The following CDH12 variants were observed in gnomAD, a reference collection of about 807,000 sequenced individuals.
The protein encoded by CDH12 is cadherin 12, also known as cadherin-12.
In CDH12, 41 loss-of-function variants were observed where a neutral mutation model predicts 74.1. That is an observed-to-expected ratio of 0.55 (90% CI 0.43 to 0.72). The LOEUF is 0.72. CDH12 is among the 30% of genes least tolerant of loss of function. The pLI is 0.00. For missense variants in CDH12, 945 were observed against 977.2 expected (o/e 0.97, Z 0.44); for synonymous variants, 399 against 355.0 (o/e 1.12, Z -1.39).
chr5:21,871,789 C>T (rs1393721563), intron 6 of CDH12, among the ~76,000 whole-genome samples: 1 of 152,064 alleles, frequency 6.6e-6, no homozygotes, highest in African/African-American at 2.4e-5. Flanking sequence ...TCTCCTGCAC[C>T]ACGTGTAGGG....
At chr5:22,251,091 CA>C (rs1753115954) in intron 3 of CDH12, among the ~76,000 whole-genome samples, 1 of 152,066 alleles carries the variant, frequency 6.6e-6, no homozygotes, top group African/African-American at 2.4e-5. Context: ...GATAGTGACT[CA>C]AGGGATAGGG....
chr5:22,557,957 A>G (rs989283818), intron 1 of CDH12, among the ~76,000 whole-genome samples: 4 of 152,128 alleles, frequency 2.6e-5, no homozygotes, highest in Non-Finnish European at 5.9e-5. Context: ...AAAGATAATA[A>G]TGCTTCAAGT....
intron 1 of CDH12, among the ~76,000 whole-genome samples, chr5:22,646,200 T>A (rs1406479732): frequency 6.6e-6 from 1 of 151,878 alleles, no homozygotes; most frequent in African/African-American, 2.4e-5. Flanking sequence ...TATAATGAAT[T>A]ACAGAAGTAG....
chr5:22,567,330 A>G (rs985862015), intron 1 of CDH12, among the ~76,000 whole-genome samples: 6 of 152,190 alleles, frequency 3.9e-5, no homozygotes, highest in African/African-American at 1.4e-4. Context: ...TGAAAATCCT[A>G]AAACTAGAAA....
intron 6 of CDH12, among the ~76,000 whole-genome samples, chr5:21,954,139 T>C (rs115734285): frequency 6.6e-6 from 1 of 151,726 alleles, no homozygotes; most frequent in South Asian, 2.1e-4. Flanking sequence ...CATTACTTAA[T>C]GATGATAATT....
intron 1 of CDH12, among the ~76,000 whole-genome samples, chr5:22,838,480 A>G (rs1055391528): frequency 2.0e-5 from 3 of 152,146 alleles, no homozygotes; most frequent in Non-Finnish European, 2.9e-5. Context: ...TTGTTCTCAT[A>G]AAATTTAGAA....
intron 2 of CDH12, among the ~76,000 whole-genome samples, chr5:22,499,758 G>T (rs1183663187): frequency 6.6e-6 from 1 of 152,130 alleles, no homozygotes; most frequent in Non-Finnish European, 1.5e-5. Flanking sequence ...TATTCTGGCT[G>T]TTTTCAAAGA....
At chr5:21,864,816 G>A (rs1169540343) in intron 6 of CDH12, among the ~76,000 whole-genome samples, 1 of 152,182 alleles carries the variant, frequency 6.6e-6, no homozygotes, top group Non-Finnish European at 1.5e-5. Context: ...TGTAGGTAGA[G>A]TCTGATAGTT....
At chr5:22,703,821 T>C (rs575332675) in intron 1 of CDH12, among the ~76,000 whole-genome samples, 10 of 152,204 alleles carry the variant, frequency 6.6e-5, no homozygotes, top group African/African-American at 1.9e-4. Context: ...TTGGAGCTGG[T>C]TTTTCATCCT....
chr5:22,057,018 C>A (rs931787779), intron 5 of CDH12, among the ~76,000 whole-genome samples: 5 of 152,080 alleles, frequency 3.3e-5, no homozygotes, highest in African/African-American at 1.2e-4. Context: ...AATGAAAACA[C>A]CAAGTCTGTG....
chr5:22,627,042 AC>A (rs1278787942), intron 1 of CDH12, among the ~76,000 whole-genome samples: 1 of 152,202 alleles, frequency 6.6e-6, no homozygotes, highest in Non-Finnish European at 1.5e-5. Flanking sequence ...ACTCAGTCAA[AC>A]AAAAACGAAC....
intron 5 of CDH12, among the ~76,000 whole-genome samples, chr5:22,046,089 T>A (rs1205875044): frequency 6.6e-6 from 1 of 152,260 alleles, no homozygotes; most frequent in South Asian, 2.1e-4. Flanking sequence ...TAATCAGAAT[T>A]ACAAAATTAG....
At chr5:21,981,992 A>G (rs1757326052) in intron 5 of CDH12, among the ~76,000 whole-genome samples, 1 of 152,150 alleles carries the variant, frequency 6.6e-6, no homozygotes, top group Admixed American at 6.6e-5. Context: ...TTTTAAAAAT[A>G]AGCCTGATAG....
intron 4 of CDH12, among the ~76,000 whole-genome samples, chr5:22,209,350 T>C (rs184093544): frequency 1.4e-3 from 214 of 152,306 alleles, no homozygotes; most frequent in African/African-American, 5.0e-3. Flanking sequence ...CTGCTGAATA[T>C]GTAAGTCTGT....
chr5:21,883,946 C>G, intron 6 of CDH12: 2 of 1,607,282 alleles, frequency 1.2e-6, no homozygotes, highest in Non-Finnish European at 1.7e-6. Context: ...CAGCCTTGGA[C>G]TCATTGACTC....
At chr5:22,031,830 C>T (rs1332290093) in intron 5 of CDH12, among the ~76,000 whole-genome samples, 2 of 152,016 alleles carry the variant, frequency 1.3e-5, no homozygotes, top group African/African-American at 4.8e-5. Flanking sequence ...ACAATTCCAA[C>T]AGTAATGTCA....
At chr5:22,088,747 G>C (rs1743226140) in intron 4 of CDH12, among the ~76,000 whole-genome samples, 1 of 152,152 alleles carries the variant, frequency 6.6e-6, no homozygotes, top group Admixed American at 6.5e-5. Context: ...TGGTGGCTCT[G>C]TGATACACGC....
chr5:22,343,511 G>C (rs1043214057), intron 3 of CDH12, among the ~76,000 whole-genome samples: 2 of 151,990 alleles, frequency 1.3e-5, no homozygotes, highest in Admixed American at 1.3e-4. Context: ...TCTGCCTCCC[G>C]GGTTCATGCC....
intron 3 of CDH12, among the ~76,000 whole-genome samples, chr5:22,271,362 T>C (rs79326324): frequency 0.027 from 4,071 of 152,272 alleles, 72 homozygotes; most frequent in South Asian, 0.094. Context: ...CCACTTCTAA[T>C]GTTGGCTCTC....
Sources: allele counts gnomAD v4.1 joint callset (sites outside exome capture counted in the v4.1 genomes callset), GRCh38; gene constraint gnomAD v4.1.1; transcripts MANE v1.5; gene names NCBI Gene and HGNC (gene_info 2026-07-23, HGNC 2026-07-21).